CCSER1: variants seen among roughly 807,000 people sequenced by gnomAD.
CCSER1 encodes serine-rich coiled-coil domain-containing protein 1.
A neutral mutation model predicts 82.0 loss-of-function variants in CCSER1; 41 were observed. That is an observed-to-expected ratio of 0.50 (90% CI 0.39 to 0.65). The LOEUF is 0.65. Among genes scored for constraint, CCSER1 ranks in the 30% least tolerant of loss-of-function variants. CCSER1 has a pLI of 0.00. For missense variants in CCSER1, 1,119 were observed against 1,064.2 expected, an observed-to-expected ratio of 1.05 and a Z score of -0.72; for synonymous variants, 414 against 383.9, an observed-to-expected ratio of 1.08 and a Z score of -0.92.
rs74649553 is a variant in CCSER1 at position 91,437,414 on chromosome 4, A to G, written c.2218-161158A>G. On this transcript the variant is annotated intron_variant, in intron 10 of 10. Coordinates refer to ENST00000509176, the MANE Select transcript of CCSER1 (RefSeq NM_001145065.2). ...TTCTGCAATTTGCAGCTACGTAATT[A>G]TAGATCAAACAGCTCTAATAATAAA... 5.3e-4 allele frequency among the ~76,000 whole-genome samples: 81 copies of G among 152,368 alleles called. 1 individual carries two copies. In the East Asian group the frequency reaches 0.016, roughly 29 times the overall value.
At chr4:90,564,599 C>T (rs1779153642) in intron 5 of CCSER1, among the ~76,000 whole-genome samples, 1 of 151,940 alleles carries the variant, frequency 6.6e-6, no homozygotes, top group Admixed American at 6.6e-5. Flanking sequence ...AGCCATTGCC[C>T]ACTCTAATGT....
intron 9 of CCSER1, among the ~76,000 whole-genome samples, chr4:91,071,572 A>T (rs1721439290): frequency 6.6e-6 from 1 of 152,170 alleles, no homozygotes; most frequent in Non-Finnish European, 1.5e-5. Flanking sequence ...AGAGATGGGG[A>T]CAGACATAAT....
rs948881306 is a variant in CCSER1, at chr4:91,010,540, A to G, written c.2173-75410A>G. ...TGACGCTTTCCTTTCTGGAAATCCC[A>G]TAATATTGTTTGTTTACTTAATGGT... On this transcript the variant is annotated intron_variant, in intron 9 of 10. Coordinates refer to ENST00000509176, the MANE Select transcript of CCSER1 (RefSeq NM_001145065.2). 2.2e-5 allele frequency among the ~76,000 whole-genome samples: 3 copies of G among 134,684 alleles called. 1 individual carries two copies. The highest frequency in any genetic ancestry group is 5.2e-5 in the Non-Finnish European group (3 of 57,918). The allele number at this position is 134,684 out of a possible 152,430, so 88.4% of individuals were successfully genotyped here.
intron 1 of CCSER1, among the ~76,000 whole-genome samples, chr4:90,220,427 C>T (rs1157214242): frequency 6.6e-6 from 1 of 151,646 alleles, no homozygotes; most frequent in Non-Finnish European, 1.5e-5. Context: ...GTGATTTTTT[C>T]CCCTGCACAT....
At chr4:90,795,829 A>G (rs1316478309) in intron 7 of CCSER1, among the ~76,000 whole-genome samples, 2 of 151,336 alleles carry the variant, frequency 1.3e-5, no homozygotes, top group Admixed American at 1.3e-4. Context: ...CCAACCTTAC[A>G]TCTCATGGAT....
chr4:90,569,267 A>G (rs7692492), intron 5 of CCSER1, among the ~76,000 whole-genome samples: 62,559 of 151,910 alleles, frequency 0.41, 14,752 homozygotes, highest in African/African-American at 0.64. Context: ...GCTCATGGAT[A>G]AGCAGAACCC....
chr4:91,533,641 G>A (rs189361260), intron 10 of CCSER1, among the ~76,000 whole-genome samples: 1 of 151,998 alleles, frequency 6.6e-6, no homozygotes, highest in Non-Finnish European at 1.5e-5. Flanking sequence ...AGTGACTTTA[G>A]AATAAATTGC....
intron 5 of CCSER1, among the ~76,000 whole-genome samples, chr4:90,618,197 C>G (rs986272809): frequency 4.6e-5 from 7 of 151,976 alleles, no homozygotes; most frequent in African/African-American, 1.7e-4. Flanking sequence ...AAGTCATAAG[C>G]ACCAAGTCTT....
chr4:90,828,009 G>A (rs1760689343), intron 8 of CCSER1, among the ~76,000 whole-genome samples: 1 of 152,154 alleles, frequency 6.6e-6, no homozygotes, highest in Non-Finnish European at 1.5e-5. Context: ...GGTGGTTTGT[G>A]ACAAAGTTGG....
intron 5 of CCSER1, among the ~76,000 whole-genome samples, chr4:90,560,423 T>A (rs763707958): frequency 1.3e-5 from 2 of 152,114 alleles, no homozygotes; most frequent in Non-Finnish European, 2.9e-5. Context: ...GACTGTATAA[T>A]TTTACCGGTT....
At chr4:90,992,168 A>G (rs2150449402) in intron 9 of CCSER1, among the ~76,000 whole-genome samples, 1 of 152,214 alleles carries the variant, frequency 6.6e-6, no homozygotes, top group East Asian at 1.9e-4. Context: ...AGATAATTTT[A>G]ACTACACTAG....
chr4:91,132,656 A>G (rs1301351080), intron 10 of CCSER1, among the ~76,000 whole-genome samples: 2 of 152,224 alleles, frequency 1.3e-5, no homozygotes, highest in Admixed American at 6.5e-5. Context: ...GTAAGCAATT[A>G]CAGTCTGTCT....
At chr4:91,043,824 G>A (rs1193341279) in intron 9 of CCSER1, among the ~76,000 whole-genome samples, 1 of 152,126 alleles carries the variant, frequency 6.6e-6, no homozygotes, top group African/African-American at 2.4e-5. Flanking sequence ...CTGACCTCAG[G>A]TGATCTGCCC....
chr4:91,280,104 A>G (rs371236442), intron 10 of CCSER1, among the ~76,000 whole-genome samples: 19 of 152,334 alleles, frequency 1.2e-4, no homozygotes, highest in African/African-American at 4.1e-4. Context: ...TGAAGACATT[A>G]AACAGGCCAG....
At chr4:90,513,577 C>T (rs1025577363) in intron 5 of CCSER1, among the ~76,000 whole-genome samples, 2 of 152,164 alleles carry the variant, frequency 1.3e-5, no homozygotes, top group African/African-American at 4.8e-5. Context: ...CCCTCCTCCC[C>T]ATCTGCTGCA....
intron 7 of CCSER1, among the ~76,000 whole-genome samples, chr4:90,741,725 T>C (rs1746591215): frequency 6.6e-6 from 1 of 152,142 alleles, no homozygotes; most frequent in African/African-American, 2.4e-5. Flanking sequence ...TGTGAACACG[T>C]TTTTTAAAAT....
At chr4:91,076,282 C>T (rs1419520072) in intron 9 of CCSER1, among the ~76,000 whole-genome samples, 1 of 151,620 alleles carries the variant, frequency 6.6e-6, no homozygotes, top group Non-Finnish European at 1.5e-5. Flanking sequence ...TACAGTACCT[C>T]TTATCTACTC....
chr4:90,277,751 T>C (rs1728099833), intron 1 of CCSER1, among the ~76,000 whole-genome samples: 1 of 151,952 alleles, frequency 6.6e-6, no homozygotes, highest in Non-Finnish European at 1.5e-5. Context: ...TAGGAAGTGC[T>C]CTTCTCAATA....
chr4:91,361,775 T>C (rs925062166), intron 10 of CCSER1, among the ~76,000 whole-genome samples: 1 of 151,792 alleles, frequency 6.6e-6, no homozygotes, highest in Non-Finnish European at 1.5e-5. Context: ...TATGCATTAG[T>C]TCAAAAAATA....
Sources: allele counts gnomAD v4.1 joint callset (sites outside exome capture counted in the v4.1 genomes callset), GRCh38; gene constraint gnomAD v4.1.1; transcripts MANE v1.5; gene names NCBI Gene and HGNC (gene_info 2026-07-23, HGNC 2026-07-21).